ZNF438: variants seen among roughly 807,000 people sequenced by gnomAD.
ZNF438 encodes the protein zinc finger protein 438.
ZNF438 carries 25 observed loss-of-function variants against 38.0 expected under a neutral mutation model. The observed-to-expected ratio is 0.66, with a 90% CI of 0.48 to 0.92. ZNF438 has a LOEUF of 0.92. Ranked by LOEUF, ZNF438 falls within the 40% of genes least tolerant of loss-of-function variation. ZNF438 has a pLI of 0.00. For synonymous variants in ZNF438, 372 were observed against 364.1 expected, an observed-to-expected ratio of 1.02 and a Z score of -0.25; for missense variants, 1,007 against 999.6, an observed-to-expected ratio of 1.01 and a Z score of -0.10.
chr10:31,019,354 G>T (rs1589746119), intron 1 of ZNF438, among the ~76,000 whole-genome samples: 1 of 152,202 alleles, frequency 6.6e-6, no homozygotes, highest in East Asian at 1.9e-4. Context: ...ATGTATAAAA[G>T]CTAAAACTAT....
intron 1 of ZNF438, among the ~76,000 whole-genome samples, chr10:30,986,441 T>A (rs1258764512): frequency 6.6e-6 from 1 of 152,196 alleles, no homozygotes; most frequent in Non-Finnish European, 1.5e-5. Context: ...GTTTACCGTA[T>A]GAGAGCTGAA....
chr10:30,845,469 G>A (rs551641735), exon 6 of ZNF438: 32 of 1,614,042 alleles, frequency 2.0e-5, no homozygotes, highest in South Asian at 7.7e-5. Flanking sequence ...TTTTATTTCC[G>A]CAAAAGACTG....
chr10:30,878,250 G>A (rs1043029661), intron 3 of ZNF438, among the ~76,000 whole-genome samples: 11 of 152,070 alleles, frequency 7.2e-5, no homozygotes, highest in African/African-American at 2.7e-4. Context: ...AACTACCCAT[G>A]GCTTGCCCTG....
intron 2 of ZNF438, among the ~76,000 whole-genome samples, chr10:30,916,424 A>G (rs1461341360): frequency 6.6e-6 from 1 of 152,024 alleles, no homozygotes; most frequent in Non-Finnish European, 1.5e-5. Context: ...CCCACTAGCC[A>G]GTTTAGAGAA....
intron 1 of ZNF438, among the ~76,000 whole-genome samples, chr10:30,972,163 G>A (rs1038841486): frequency 6.6e-6 from 1 of 152,066 alleles, no homozygotes; most frequent in Non-Finnish European, 1.5e-5. Context: ...TAGATACGGG[G>A]TTTCACCTTG....
intron 2 of ZNF438, among the ~76,000 whole-genome samples, chr10:30,924,021 T>C (rs2044627211): frequency 6.6e-6 from 1 of 152,232 alleles, no homozygotes; most frequent in Non-Finnish European, 1.5e-5. Flanking sequence ...ACATAACTTG[T>C]TAAATTTCTA....
intron 2 of ZNF438, among the ~76,000 whole-genome samples, chr10:30,930,668 A>G: frequency 6.6e-6 from 1 of 151,692 alleles, no homozygotes; most frequent in East Asian, 1.9e-4. Context: ...TTAGCCGGCC[A>G]TGGTGGTGAG....
chr10:30,910,902 T>G (rs2043016771), intron 2 of ZNF438, among the ~76,000 whole-genome samples: 1 of 152,074 alleles, frequency 6.6e-6, no homozygotes, highest in Non-Finnish European at 1.5e-5. Context: ...TTTTCTGGAA[T>G]AGAAAACATC....
At chr10:30,847,895 C>A (rs2032626167) in intron 5 of ZNF438, among the ~76,000 whole-genome samples, 1 of 152,222 alleles carries the variant, frequency 6.6e-6, no homozygotes, top group African/African-American at 2.4e-5. Context: ...CCTTGGCAGG[C>A]ATGGGATCTA....
At chr10:31,006,532 C>A (rs1390110325) in intron 1 of ZNF438, among the ~76,000 whole-genome samples, 1 of 152,014 alleles carries the variant, frequency 6.6e-6, no homozygotes, top group Non-Finnish European at 1.5e-5. Flanking sequence ...TATAATAAAC[C>A]AGTAGATGTG....
chr10:30,898,364 C>T (rs2041608513), intron 3 of ZNF438, among the ~76,000 whole-genome samples: 1 of 152,156 alleles, frequency 6.6e-6, no homozygotes, highest in African/African-American at 2.4e-5. Flanking sequence ...TTAAGTGAAG[C>T]AAGCTGTGGA....
At chr10:30,985,377 A>T (rs907328059) in intron 1 of ZNF438, among the ~76,000 whole-genome samples, 7 of 152,320 alleles carry the variant, frequency 4.6e-5, no homozygotes, top group South Asian at 4.1e-4. Context: ...ATGACTTTTT[A>T]AAAAAATGCA....
chr10:30,879,832 G>T (rs1342460834), intron 3 of ZNF438, among the ~76,000 whole-genome samples: 1 of 152,120 alleles, frequency 6.6e-6, no homozygotes, highest in Non-Finnish European at 1.5e-5. Context: ...TCAGTGAGCT[G>T]CAGGCCAACT....
At chr10:30,918,747 T>C (rs929627868) in intron 2 of ZNF438, among the ~76,000 whole-genome samples, 2 of 152,172 alleles carry the variant, frequency 1.3e-5, no homozygotes, top group East Asian at 1.9e-4. Context: ...TCTAACAATA[T>C]ACATGCTGGA....
chr10:31,023,243 C>CA (rs2056727673), intron 1 of ZNF438, among the ~76,000 whole-genome samples: 1 of 152,030 alleles, frequency 6.6e-6, no homozygotes, highest in Non-Finnish European at 1.5e-5. Flanking sequence ...CTAATAACAG[C>CA]AAAAACAACA....
At chr10:30,887,395 C>T (rs2040091206) in intron 3 of ZNF438, among the ~76,000 whole-genome samples, 1 of 151,826 alleles carries the variant, frequency 6.6e-6, no homozygotes, top group African/African-American at 2.4e-5. Context: ...TTTTTTGAGA[C>T]GGAGTCTCAC....
At chr10:30,990,280 C>T (rs6481731) in intron 1 of ZNF438, among the ~76,000 whole-genome samples, 60,919 of 151,678 alleles carry the variant, frequency 0.4, 12,468 homozygotes, top group Admixed American at 0.44. Flanking sequence ...AAAAATATTC[C>T]AATGAATAAA....
exon 5 of ZNF438, chr10:30,849,020 C>T (rs1442966925): frequency 6.2e-7 from 1 of 1,613,994 alleles, no homozygotes; most frequent in African/African-American, 1.3e-5. Context: ...TCCTAGGCCC[C>T]CAAGCATCTG....
At chr10:31,010,116 G>A (rs1392488599) in intron 1 of ZNF438, among the ~76,000 whole-genome samples, 2 of 152,046 alleles carry the variant, frequency 1.3e-5, no homozygotes, top group Non-Finnish European at 2.9e-5. Context: ...CAAAGTGCTG[G>A]TATTACAGAA....
Sources: gnomAD v4.1 joint callset for allele counts (sites outside exome capture counted in the v4.1 genomes callset) on GRCh38, gnomAD v4.1.1 for gene constraint, MANE v1.5 for transcripts, NCBI Gene and HGNC (gene_info 2026-07-23, HGNC 2026-07-21) for gene names.